The following COL24A1 variants were observed in gnomAD, a reference collection of about 807,000 sequenced individuals.
The protein encoded by COL24A1 is collagen type XXIV alpha 1 chain, also known as collagen alpha-1(XXIV) chain.
COL24A1 carries 224 observed loss-of-function variants against 253.9 expected under a neutral mutation model. The observed-to-expected ratio is 0.88, with a 90% CI of 0.79 to 0.99. The LOEUF (loss-of-function observed/expected upper bound fraction) is 0.99. COL24A1 is among the 50% of genes least tolerant of loss of function. The pLI is 0.00. For synonymous variants in COL24A1, 685 were observed against 673.7 expected, an observed-to-expected ratio of 1.02 and a Z score of -0.26; for missense variants, 2,131 against 2,068.5, an observed-to-expected ratio of 1.03 and a Z score of -0.59.
At chr1:85,834,888 T>C (rs1675822736) in intron 43 of COL24A1, among the ~76,000 whole-genome samples, 1 of 152,224 alleles carries the variant, frequency 6.6e-6, no homozygotes, top group Non-Finnish European at 1.5e-5. Context: ...ATGACAGCTA[T>C]AATTGCTTTT....
chr1:86,033,544 A>G (rs958645640), intron 13 of COL24A1, among the ~76,000 whole-genome samples: 1 of 152,172 alleles, frequency 6.6e-6, no homozygotes, highest in African/African-American at 2.4e-5. Context: ...GCAATCGCTG[A>G]GTGTAAAATT....
chr1:85,810,382 T>A (rs966581529), intron 47 of COL24A1, among the ~76,000 whole-genome samples: 1 of 152,140 alleles, frequency 6.6e-6, no homozygotes, highest in African/African-American at 2.4e-5. Context: ...TTATTTAGCA[T>A]ATAATTAAGT....
At chr1:85,890,020 A>G (rs1682946388) in intron 31 of COL24A1, among the ~76,000 whole-genome samples, 1 of 152,048 alleles carries the variant, frequency 6.6e-6, no homozygotes, top group African/African-American at 2.4e-5. Context: ...TCTTTCTGTG[A>G]CTGGCTTATT....
At chr1:86,022,150 T>C in intron 18 of COL24A1, 90 bp downstream of exon 18, 1 of 1,126,644 alleles carries the variant, frequency 8.9e-7, no homozygotes, top group Non-Finnish European at 1.4e-6. Flanking sequence ...CTCAGTAGGC[T>C]TATACCCTAC....
chr1:85,984,316 T>C (rs1039654978), intron 20 of COL24A1, among the ~76,000 whole-genome samples: 1 of 151,816 alleles, frequency 6.6e-6, no homozygotes, highest in African/African-American at 2.4e-5. Context: ...ATTTCTCAAT[T>C]ACCCAGGAGA....
At chr1:86,026,158 G>A (rs1269732954) in intron 14 of COL24A1, among the ~76,000 whole-genome samples, 3 of 152,162 alleles carry the variant, frequency 2.0e-5, no homozygotes, top group African/African-American at 7.2e-5. Flanking sequence ...AAAAAGTAAT[G>A]AATGTAAAAT....
chr1:85,891,196 G>A (rs1485798753), intron 31 of COL24A1, among the ~76,000 whole-genome samples: 2 of 148,908 alleles, frequency 1.3e-5, no homozygotes, highest in East Asian at 2.0e-4. Flanking sequence ...GACTACAGGC[G>A]CCCGCCACCA....
chr1:85,952,264 C>G (rs1163188812), intron 24 of COL24A1, among the ~76,000 whole-genome samples: 1 of 152,028 alleles, frequency 6.6e-6, no homozygotes, highest in East Asian at 1.9e-4. Context: ...AACATGCGCA[C>G]ATAAAGAACA....
intron 24 of COL24A1, among the ~76,000 whole-genome samples, chr1:85,926,230 G>T (rs1342088064): frequency 6.6e-6 from 1 of 152,196 alleles, no homozygotes; most frequent in Non-Finnish European, 1.5e-5. Context: ...GCTGGTGGGA[G>T]TGTAAACTAG....
At chr1:85,867,454 G>T (rs1489108831) in intron 37 of COL24A1, among the ~76,000 whole-genome samples, 1 of 152,202 alleles carries the variant, frequency 6.6e-6, no homozygotes, top group Non-Finnish European at 1.5e-5. Flanking sequence ...ATGCTTAAAT[G>T]CTGTAATCTT....
At chr1:85,756,057 CAAAAAA>C (rs200030128) in intron 55 of COL24A1, among the ~76,000 whole-genome samples, 2,086 of 95,852 alleles carry the variant, frequency 0.022, 36 homozygotes, top group Middle Eastern at 0.045. Context: ...TACTAACAAC[CAAAAAA>C]AAAAAAAAAA....
intron 47 of COL24A1, among the ~76,000 whole-genome samples, chr1:85,809,576 G>A (rs1215569706): frequency 6.6e-6 from 1 of 151,934 alleles, no homozygotes; most frequent in African/African-American, 2.4e-5. Flanking sequence ...CTCCTCCAAA[G>A]TAGAGATAAA....
rs755127248 is a variant in COL24A1 at position 85,847,783 on chromosome 1, C to T, written c.3355-11G>A. 1 of 1,585,072 alleles carries T rather than the reference C, an allele frequency of 6.3e-7. No individual in the cohort carries two copies. Among genetic ancestry groups the T allele is most frequent in the South Asian group, 1.1e-5 (1 of 89,864 alleles). ...TTGTCCTTTATCACCCTGTGGATGACATTATTAAGAGAGAAAAGCAAGAAA... is the reference window on the plus strand; with the variant it reads ...TTGTCCTTTATCACCCTGTGGATGATATTATTAAGAGAGAAAAGCAAGAAA... On this transcript the variant is annotated splice_polypyrimidine_tract_variant and intron_variant, in intron 38 of 59. Coordinates refer to ENST00000370571, the MANE Select transcript of COL24A1 (RefSeq NM_152890.7).
At chr1:86,097,086 A>G (rs1703942584) in intron 5 of COL24A1, among the ~76,000 whole-genome samples, 1 of 152,100 alleles carries the variant, frequency 6.6e-6, no homozygotes, top group Admixed American at 6.5e-5. Context: ...CTTCAGAATA[A>G]TTTCTATATA....
At chr1:86,116,557 TG>T (rs1706160746) in intron 3 of COL24A1, among the ~76,000 whole-genome samples, 1 of 152,098 alleles carries the variant, frequency 6.6e-6, no homozygotes, top group Non-Finnish European at 1.5e-5. Flanking sequence ...AGAGGGAAAA[TG>T]GATTGATGGG....
At chr1:85,908,113 T>C (rs1211725206) in intron 27 of COL24A1, among the ~76,000 whole-genome samples, 2 of 151,786 alleles carry the variant, frequency 1.3e-5, no homozygotes, top group Non-Finnish European at 3.0e-5. Context: ...GCTGTCAGAT[T>C]CTGATAAGCA....
intron 27 of COL24A1, among the ~76,000 whole-genome samples, chr1:85,907,995 TA>T (rs1198833513): frequency 6.6e-6 from 1 of 151,772 alleles, no homozygotes; most frequent in Non-Finnish European, 1.5e-5. Context: ...AAATTGGGCT[TA>T]TTTTTAAAAC....
chr1:86,063,728 A>G lies in COL24A1; in HGVS notation c.1739T>C (p.Leu580Pro). 6.4e-7 allele frequency: 1 copy of G among 1,552,528 alleles called. No homozygotes were observed. The highest frequency in any genetic ancestry group is 8.7e-7 in the Non-Finnish European group (1 of 1,148,940). The change falls in exon 8 of 60, where the codon CTT (leucine) becomes CCT (proline). Residue 580 changes from leucine (L) to proline (P), a missense_variant. Transcript: ENST00000370571. ...GLKGHPGLPGLPGEQGIPGFA... is the reference protein window; with the variant it reads ...GLKGHPGLPGPPGEQGIPGFA... ...GGAAGTACCTACTTGTTCACCTGGA[A>G]GTCCTGGGAGTCCAGGATGTCCTTT...
At chr1:85,755,404 G>A (rs1666126678) in intron 55 of COL24A1, among the ~76,000 whole-genome samples, 1 of 152,106 alleles carries the variant, frequency 6.6e-6, no homozygotes, top group Non-Finnish European at 1.5e-5. Flanking sequence ...ATAACATATA[G>A]TATAGACCCC....
Sources: allele counts gnomAD v4.1 joint callset (sites outside exome capture counted in the v4.1 genomes callset), GRCh38; gene constraint gnomAD v4.1.1; transcripts MANE v1.5; gene names NCBI Gene and HGNC (gene_info 2026-07-23, HGNC 2026-07-21).